The following FBXL17 variants were observed in gnomAD, a reference collection of about 807,000 sequenced individuals.
FBXL17 encodes the protein F-box and leucine rich repeat protein 17.
FBXL17 carries 22 observed loss-of-function variants against 66.2 expected under a neutral mutation model. The observed-to-expected ratio is 0.33, with a 90% CI of 0.24 to 0.47. The LOEUF (loss-of-function observed/expected upper bound fraction) is 0.47, where lower values mean the gene tolerates loss of function less well. FBXL17 is among the 20% of genes least tolerant of loss of function. FBXL17 has a pLI of 1.00. For missense variants in FBXL17, 878 were observed against 948.2 expected (o/e 0.93, Z 0.97); for synonymous variants, 474 against 400.5 (o/e 1.18, Z -2.19).
At chr5:107,982,067 A>G (rs1300004424) in intron 7 of FBXL17, among the ~76,000 whole-genome samples, 5 of 152,234 alleles carry the variant, frequency 3.3e-5, no homozygotes, top group Non-Finnish European at 7.3e-5. Context: ...GAATATAATG[A>G]TAGCTTAATG....
intron 6 of FBXL17, among the ~76,000 whole-genome samples, chr5:108,026,217 G>A (rs1433292806): frequency 1.3e-5 from 2 of 152,012 alleles, no homozygotes; most frequent in Non-Finnish European, 2.9e-5. Context: ...TTTCATTTAT[G>A]AGTCTTATAT....
At chr5:108,235,661 C>G (rs1221134996) in intron 4 of FBXL17, among the ~76,000 whole-genome samples, 1 of 152,134 alleles carries the variant, frequency 6.6e-6, no homozygotes, top group South Asian at 2.1e-4. Flanking sequence ...CTTTTATAAC[C>G]TATAAGGCCC....
rs147524508 is a variant in FBXL17 at position 108,030,052 on chromosome 5, C to T, written c.1746-9051G>A. On this transcript the variant is annotated intron_variant, in intron 6 of 8. Coordinates refer to ENST00000542267, the MANE Select transcript of FBXL17 (RefSeq NM_001163315.3). ...CAAAGGACTATGTAGTATACGTGTA[C>T]ATGTATGTACATACACTTATGAAGA... Among the ~76,000 whole-genome samples, 948 of 152,222 alleles carry T rather than the reference C, an allele frequency of 6.2e-3. 11 individuals are homozygous for T. Among genetic ancestry groups the T allele is most frequent in the African/African-American group, 0.022 (917 of 41,554 alleles).
chr5:108,193,775 G>C (rs924635958), intron 5 of FBXL17, among the ~76,000 whole-genome samples: 2 of 151,994 alleles, frequency 1.3e-5, no homozygotes, highest in Non-Finnish European at 2.9e-5. Flanking sequence ...ATTAATAGTA[G>C]CTATGATCTT....
At chr5:108,130,686 T>C (rs745696449) in intron 6 of FBXL17, among the ~76,000 whole-genome samples, 31 of 152,158 alleles carry the variant, frequency 2.0e-4, no homozygotes, top group Admixed American at 1.6e-3. Context: ...AATGTCTGCT[T>C]TAATATCCTA....
intron 4 of FBXL17, among the ~76,000 whole-genome samples, chr5:108,231,870 T>C (rs1418723401): frequency 6.6e-6 from 1 of 152,158 alleles, no homozygotes; most frequent in Admixed American, 6.5e-5. Flanking sequence ...AGTATTACCA[T>C]GCCCTGTGAT....
chr5:108,377,980 T>G (rs1227648199), intron 1 of FBXL17, among the ~76,000 whole-genome samples: 1 of 152,202 alleles, frequency 6.6e-6, no homozygotes, highest in East Asian at 1.9e-4. Context: ...AAACCACAAG[T>G]CATTGACTAA....
chr5:108,368,666 T>C (rs1748831264), intron 1 of FBXL17, among the ~76,000 whole-genome samples: 2 of 152,072 alleles, frequency 1.3e-5, no homozygotes, highest in Admixed American at 6.6e-5. Context: ...AAGACATTAA[T>C]GGAAAAACTG....
chr5:108,047,506 C>A (rs1747299697), intron 6 of FBXL17, among the ~76,000 whole-genome samples: 1 of 152,190 alleles, frequency 6.6e-6, no homozygotes, highest in Admixed American at 6.5e-5. Context: ...GGGCCAGCAG[C>A]CAGCACTAGC....
intron 6 of FBXL17, among the ~76,000 whole-genome samples, chr5:108,164,700 C>G (rs1166067223): frequency 6.6e-6 from 1 of 152,134 alleles, no homozygotes; most frequent in African/African-American, 2.4e-5. Context: ...ACATTTAAAT[C>G]ACACAATAAG....
intron 6 of FBXL17, among the ~76,000 whole-genome samples, chr5:108,158,589 G>A (rs1342883971): frequency 6.6e-6 from 1 of 151,806 alleles, no homozygotes; most frequent in East Asian, 1.9e-4. Flanking sequence ...GGTAGAGGCT[G>A]ACATTATTTA....
chr5:107,886,737 A>T (rs1748982823), intron 7 of FBXL17, among the ~76,000 whole-genome samples: 1 of 152,126 alleles, frequency 6.6e-6, no homozygotes, highest in Non-Finnish European at 1.5e-5. Context: ...TGATACAAAT[A>T]ATCAGATAAA....
intron 7 of FBXL17, among the ~76,000 whole-genome samples, chr5:107,895,567 A>G (rs986633928): frequency 1.3e-5 from 2 of 152,180 alleles, no homozygotes; most frequent in African/African-American, 4.8e-5. Flanking sequence ...TTTAGACACA[A>G]GATCCACAAG....
At chr5:107,974,285 T>C (rs1752499398) in intron 7 of FBXL17, among the ~76,000 whole-genome samples, 1 of 152,132 alleles carries the variant, frequency 6.6e-6, no homozygotes, top group Non-Finnish European at 1.5e-5. Flanking sequence ...AGTAACTGCA[T>C]AGAGAGGAAA....
intron 7 of FBXL17, among the ~76,000 whole-genome samples, chr5:107,902,871 G>C (rs1749616188): frequency 1.3e-5 from 2 of 151,190 alleles, no homozygotes. Context: ...AGTTGAAGTT[G>C]GTTGATAATT....
chr5:108,186,650 A>G (rs1753247224), intron 5 of FBXL17, among the ~76,000 whole-genome samples: 1 of 151,844 alleles, frequency 6.6e-6, no homozygotes, highest in African/African-American at 2.4e-5. Flanking sequence ...CATCCCTGTA[A>G]TCCCAGCTAC....
At chr5:108,023,311 A>G (rs1201685336) in intron 6 of FBXL17, among the ~76,000 whole-genome samples, 1 of 152,160 alleles carries the variant, frequency 6.6e-6, no homozygotes, top group African/African-American at 2.4e-5. Flanking sequence ...TTACATTTGA[A>G]AAGAGAAACC....
At chr5:108,265,302 T>C (rs1256750463) in intron 4 of FBXL17, among the ~76,000 whole-genome samples, 1 of 152,102 alleles carries the variant, frequency 6.6e-6, no homozygotes, top group Non-Finnish European at 1.5e-5. Flanking sequence ...AAAATTCAAT[T>C]TGACATTTAA....
chr5:108,170,572 C>T (rs543786017), intron 6 of FBXL17, among the ~76,000 whole-genome samples: 9 of 152,158 alleles, frequency 5.9e-5, no homozygotes, highest in Admixed American at 3.3e-4. Flanking sequence ...CTCACTCTGT[C>T]GTCCAGGCTG....
Sources: gnomAD v4.1 joint callset for allele counts (sites outside exome capture counted in the v4.1 genomes callset) on GRCh38, gnomAD v4.1.1 for gene constraint, MANE v1.5 for transcripts, NCBI Gene and HGNC (gene_info 2026-07-23, HGNC 2026-07-21) for gene names.